PAX6: variants seen among roughly 807,000 people sequenced by gnomAD.
The protein encoded by PAX6 is paired box 6, also known as paired box protein Pax-6.
PAX6 carries 7 observed loss-of-function variants against 60.7 expected under a neutral mutation model. That is an observed-to-expected ratio of 0.12 (90% confidence interval 0.07 to 0.22). The LOEUF (loss-of-function observed/expected upper bound fraction) is 0.22, where lower values mean the gene tolerates loss of function less well. Ranked by LOEUF, PAX6 falls within the 10% of genes least tolerant of loss-of-function variation. PAX6 has a pLI of 1.00. For missense variants in PAX6, 355 were observed against 555.2 expected, an observed-to-expected ratio of 0.64 and a Z score of 3.62; for synonymous variants, 208 against 201.2, an observed-to-expected ratio of 1.03 and a Z score of -0.29.
upstream of PAX6, among the ~76,000 whole-genome samples, chr11:31,813,465 G>T (rs1462331097): frequency 6.6e-6 from 1 of 151,802 alleles, no homozygotes; most frequent in Non-Finnish European, 1.5e-5. Context: ...CGACCGAGTG[G>T]ATTAGCACCT....
intron 1 of PAX6, among the ~76,000 whole-genome samples, chr11:31,817,547 C>T (rs1485079001): frequency 6.6e-6 from 1 of 152,226 alleles, no homozygotes; most frequent in Admixed American, 6.5e-5. Context: ...AGCTCAGGGC[C>T]GGACTGGAAG....
In PAX6 at chr11:31,801,476, C is replaced by G. The variant is rs527734644; in HGVS notation, c.399+85G>C. On this transcript the variant is annotated intron_variant, in intron 7 of 13. Coordinates refer to ENST00000640368, the MANE Select transcript of PAX6 (RefSeq NM_001368894.2). ...CAGGGAGAGGACACAGACTAAGAGACAGTGGAGAGAGAGGGTGGGAGGAGG... is the reference window on the plus strand; with the variant it reads ...CAGGGAGAGGACACAGACTAAGAGAGAGTGGAGAGAGAGGGTGGGAGGAGG... 25 of 1,605,542 alleles carry G rather than the reference C, an allele frequency of 1.6e-5. No individual in the cohort carries two copies. In the East Asian group the frequency reaches 1.8e-4, roughly 11 times the overall value.
chr11:31,816,547 A>G, intron 1 of PAX6: 1 of 702,626 alleles, frequency 1.4e-6, no homozygotes, highest in Admixed American at 2.0e-5. Flanking sequence ...TTATGACTGG[A>G]GGAGAAGGTC....
chr11:31,814,482 C>T (rs1451180333), upstream of PAX6: 1 of 152,218 alleles, frequency 6.6e-6, no homozygotes. Context: ...TCTGACACCT[C>T]CAAACTCTCT....
At chr11:31,816,551 G>T (rs1256674610) in intron 1 of PAX6, 1 of 702,642 alleles carries the variant, frequency 1.4e-6, no homozygotes, top group African/African-American at 1.7e-5. Flanking sequence ...GACTGGAGGA[G>T]AAGGTCCACT....
At chr11:31,815,875 G>T (rs1053890075), upstream of PAX6, among the ~76,000 whole-genome samples, 3 of 152,216 alleles carry the variant, frequency 2.0e-5, no homozygotes, top group Non-Finnish European at 4.4e-5. Context: ...GGCTAGCGGG[G>T]AAAACCGCTG....
At chr11:31,790,526 T>C in intron 13 of PAX6, 184 bp downstream of exon 13, 4 of 977,668 alleles carry the variant, frequency 4.1e-6, no homozygotes, top group Non-Finnish European at 1.2e-6. Context: ...ATTTTAGTTT[T>C]TGTCTATATG....
At chr11:31,811,886 G>T (rs1282057124), upstream of PAX6, 1 of 152,502 alleles carries the variant, frequency 6.6e-6, no homozygotes, top group East Asian at 1.9e-4. Flanking sequence ...GGAGGCCGCG[G>T]CGAAGCCTAG....
rs139256370 is a variant in PAX6, at chr11:31,793,941, A to T, written c.807+91T>A. On this transcript the variant is annotated intron_variant, in intron 10 of 13. Transcript: ENST00000640368. ...AACCTTTTTATTATATTAGTCCTAT[A>T]AATAAATAGTACTCTGTACAAGCAC... 5 of 1,250,420 alleles carry T rather than the reference A, an allele frequency of 4.0e-6. No homozygotes were observed. The Admixed American group carries it at 6.7e-5, about 17-fold the overall frequency. The allele number at this position is 1,250,420 out of a possible 1,614,324, so 77.5% of individuals were successfully genotyped here.
intron 7 of PAX6, 134 bp downstream of exon 7, chr11:31,801,427 G>C: frequency 6.4e-7 from 1 of 1,553,230 alleles, no homozygotes; most frequent in Non-Finnish European, 8.7e-7. Flanking sequence ...TGTTCCCCCA[G>C]GTACAAAGGA....
chr11:31,799,972 C>A (rs1953079596), intron 8 of PAX6, among the ~76,000 whole-genome samples: 1 of 149,760 alleles, frequency 6.7e-6, no homozygotes, highest in South Asian at 2.2e-4. Context: ...CCATCCCCCG[C>A]TCTTCTTCCT....
At chr11:31,802,681 TG>T (rs1316998180) in intron 5 of PAX6, 22 bp downstream of exon 5, 3 of 1,597,506 alleles carry the variant, frequency 1.9e-6, no homozygotes, top group East Asian at 4.5e-5. Context: ...GGGCGGCGAG[TG>T]GGGCGGCGCC....
chr11:31,807,665 G>A (rs1956155731), intron 2 of PAX6: 2 of 152,198 alleles, frequency 1.3e-5, no homozygotes, highest in Non-Finnish European at 2.9e-5. Context: ...ACGAACAGGA[G>A]GGGGTGAGCG....
At chr11:31,804,516 G>C (rs993992916) in intron 4 of PAX6, 1 of 152,364 alleles carries the variant, frequency 6.6e-6, no homozygotes, top group East Asian at 1.9e-4. Context: ...GGGGATCTGG[G>C]CTCCGGCCGG....
chr11:31,811,378 C>T (rs982548091), upstream of PAX6: 7 of 397,964 alleles, frequency 1.8e-5, no homozygotes, highest in African/African-American at 1.4e-4. Flanking sequence ...AGCGCCGGGG[C>T]CTCGCGCCAG....
In PAX6 at chr11:31,801,642, C is replaced by T. The variant is rs1953919512; in HGVS notation, c.318G>A (p.Arg106=). The T allele has an allele frequency of 3.1e-6, 5 of 1,614,102 alleles. No individual in the cohort carries two copies. Among genetic ancestry groups the T allele is most frequent in the Non-Finnish European group, 4.2e-6 (5 of 1,180,036 alleles). Residue 106 remains arginine (R), a synonymous_variant, in exon 7 of 14, where the codon CGG becomes CGA. Coordinates refer to ENST00000640368, the MANE Select transcript of PAX6 (RefSeq NM_001368894.2). ...CCCAAGCAAAGATGGACGGGCACTC[C>T]CGCTTATACTGGGCTATTTTGCTTA... is the stretch of plus-strand genomic sequence containing the variant. ...EVVSKIAQYK[R]ECPSIFAWEI...
intron 8 of PAX6, among the ~76,000 whole-genome samples, chr11:31,797,412 C>G (rs764950258): frequency 2.0e-5 from 3 of 151,012 alleles, no homozygotes; most frequent in Non-Finnish European, 4.4e-5. Flanking sequence ...TTTACACAGG[C>G]AGCACGCGAT....
At chr11:31,800,921 G>A in intron 7 of PAX6, 65 bp from the exon 8 acceptor site, 4 of 1,533,298 alleles carry the variant, frequency 2.6e-6, no homozygotes, top group Non-Finnish European at 3.6e-6. Context: ...ACCCATCTCA[G>A]CTCACCCACA....
chr11:31,790,937 G>A (rs765366078), intron 12 of PAX6, 77 bp from the exon 13 acceptor site: 2 of 1,480,036 alleles, frequency 1.4e-6, no homozygotes, highest in South Asian at 2.4e-5. Flanking sequence ...CTCCTCCCGA[G>A]GAACTCTGCC....
Sources: gnomAD v4.1 joint callset for allele counts (sites outside exome capture counted in the v4.1 genomes callset) on GRCh38, gnomAD v4.1.1 for gene constraint, MANE v1.5 for transcripts, NCBI Gene and HGNC (gene_info 2026-07-23, HGNC 2026-07-21) for gene names.